The following AOPEP variants were observed in gnomAD, a reference collection of about 807,000 sequenced individuals.
AOPEP encodes the protein aminopeptidase O.
Under a neutral mutation model 98.1 loss-of-function variants are expected in AOPEP, and 77 were observed. That is an observed-to-expected ratio of 0.78 (90% CI 0.65 to 0.95). The LOEUF is 0.95. Among genes scored for constraint, AOPEP ranks in the 40% least tolerant of loss-of-function variants. The probability of loss-of-function intolerance (pLI) is 0.00; values close to 1 mark genes in which losing one functional copy is unlikely to be tolerated. For synonymous variants in AOPEP, 346 were observed against 365.3 expected, an observed-to-expected ratio of 0.95 and a Z score of 0.60; for missense variants, 1,024 against 1,024.7, an observed-to-expected ratio of 1.00 and a Z score of 0.01.
the AOPEP span, among the ~76,000 whole-genome samples, chr9:95,111,800 C>T: frequency 6.6e-6 from 1 of 152,350 alleles, no homozygotes; most frequent in East Asian, 1.9e-4. Flanking sequence ...CCTGTCCAAA[C>T]GCCACTCTGC....
At chr9:95,038,508 A>G (rs1490241425) in intron 13 of AOPEP, among the ~76,000 whole-genome samples, 1 of 152,228 alleles carries the variant, frequency 6.6e-6, no homozygotes, top group Non-Finnish European at 1.5e-5. Flanking sequence ...CCAGGCCACT[A>G]CCTGGCTAAG....
intron 7 of AOPEP, among the ~76,000 whole-genome samples, chr9:94,951,409 T>G (rs1003375370): frequency 1.3e-5 from 2 of 152,334 alleles, no homozygotes; most frequent in Admixed American, 1.3e-4. Context: ...CCTGGGTTCT[T>G]AACCTCGACT....
At chr9:94,971,777 A>T (rs1485145353) in intron 10 of AOPEP, among the ~76,000 whole-genome samples, 3 of 152,184 alleles carry the variant, frequency 2.0e-5, no homozygotes, top group African/African-American at 7.2e-5. Context: ...AATAAATCCC[A>T]TGAGTAGCCC....
chr9:94,872,369 C>T (rs1477178307), intron 5 of AOPEP, among the ~76,000 whole-genome samples: 1 of 152,172 alleles, frequency 6.6e-6, no homozygotes, highest in African/African-American at 2.4e-5. Context: ...GGTTGCCTTA[C>T]ATCGCTACTC....
intron 11 of AOPEP, among the ~76,000 whole-genome samples, chr9:94,996,428 GA>G (rs1447603433): frequency 1.3e-5 from 2 of 151,386 alleles, no homozygotes; most frequent in African/African-American, 4.9e-5. Flanking sequence ...AGGGATGGAT[GA>G]ATCAGGCCCA....
chr9:94,870,196 GC>G (rs1409745373), intron 5 of AOPEP, among the ~76,000 whole-genome samples: 1 of 152,022 alleles, frequency 6.6e-6, no homozygotes, highest in Non-Finnish European at 1.5e-5. Flanking sequence ...CACCATGTTA[GC>G]CAGGCTTGTC....
chr9:95,021,030 T>C (rs906992351), intron 13 of AOPEP, among the ~76,000 whole-genome samples: 1 of 152,106 alleles, frequency 6.6e-6, no homozygotes, highest in African/African-American at 2.4e-5. Flanking sequence ...TGCTGGTATT[T>C]GTAAATATAT....
chr9:95,075,198 G>C (rs1335204741), intron 14 of AOPEP, among the ~76,000 whole-genome samples: 7 of 152,200 alleles, frequency 4.6e-5, no homozygotes, highest in Admixed American at 2.6e-4. Flanking sequence ...TCCTGGCATA[G>C]ATTTGGAGTG....
chr9:94,900,404 TCTC>T (rs2050230571), intron 5 of AOPEP: 1 of 152,226 alleles, frequency 6.6e-6, no homozygotes, highest in Non-Finnish European at 1.5e-5. Flanking sequence ...GTCAAGTAAT[TCTC>T]CTCGGTAGAT....
the AOPEP span, among the ~76,000 whole-genome samples, chr9:95,095,084 G>A: frequency 1.3e-5 from 2 of 152,228 alleles, no homozygotes; most frequent in Non-Finnish European, 2.9e-5. Flanking sequence ...GATTTCCTCA[G>A]CTGTTACTTT....
At chr9:95,099,881 G>A in the AOPEP span, 1 of 233,574 alleles carries the variant, frequency 4.3e-6, no homozygotes, top group Non-Finnish European at 8.4e-6. Context: ...GGAAGGAAGG[G>A]GCATGGGCAG....
At chr9:94,774,533 A>G (rs1435439367) in intron 3 of AOPEP, among the ~76,000 whole-genome samples, 2 of 152,084 alleles carry the variant, frequency 1.3e-5, no homozygotes, top group Admixed American at 6.5e-5. Context: ...TTTTTCACTT[A>G]TAGTGTATCT....
chr9:94,964,700 C>T (rs1205275080), intron 9 of AOPEP, among the ~76,000 whole-genome samples: 2 of 141,192 alleles, frequency 1.4e-5, no homozygotes, highest in South Asian at 2.2e-4. Context: ...AGTGCAATGG[C>T]GCGATCTCGG....
chr9:95,107,232 A>T, the AOPEP span: 1 of 1,614,180 alleles, frequency 6.2e-7, no homozygotes, highest in South Asian at 1.1e-5. Flanking sequence ...GCTTCTGGAC[A>T]TTGCCAGGAG....
At chr9:94,755,193 CAG>C (rs1255914500) in intron 1 of AOPEP, among the ~76,000 whole-genome samples, 1 of 151,930 alleles carries the variant, frequency 6.6e-6, no homozygotes, top group Admixed American at 6.6e-5. Flanking sequence ...TGGCTTATGA[CAG>C]AGAATGGAAA....
At chr9:94,820,528 G>A (rs970369651) in intron 5 of AOPEP, among the ~76,000 whole-genome samples, 2 of 152,112 alleles carry the variant, frequency 1.3e-5, no homozygotes, top group African/African-American at 4.8e-5. Flanking sequence ...TAGTATTCTA[G>A]TCTATGGATG....
intron 7 of AOPEP, among the ~76,000 whole-genome samples, chr9:94,934,315 C>CTTTTTTTTTTTTTTTTTTTTTTTTT (rs974551445): frequency 6.9e-5 from 8 of 116,728 alleles, no homozygotes; most frequent in African/African-American, 2.8e-4. Context: ...CTTCTCCCAT[C>CTTTTTTTTTTTTTTTTTTTTTTTTT]TTTTTTTTTT....
At chr9:95,117,601 C>CTT in the AOPEP span, among the ~76,000 whole-genome samples, 1 of 16,498 alleles carries the variant, frequency 6.1e-5, no homozygotes, top group African/African-American at 2.4e-4. Context: ...CCTTCTGGGA[C>CTT]TTAAAAATTT....
chr9:94,983,276 G>C (rs1296482123), intron 11 of AOPEP, among the ~76,000 whole-genome samples: 3 of 152,084 alleles, frequency 2.0e-5, no homozygotes, highest in Non-Finnish European at 4.4e-5. Context: ...GCCTGCCTTG[G>C]CCTCCCGAAG....
Sources: allele counts gnomAD v4.1 joint callset (sites outside exome capture counted in the v4.1 genomes callset), GRCh38; gene constraint gnomAD v4.1.1; transcripts MANE v1.5; gene names NCBI Gene and HGNC (gene_info 2026-07-23, HGNC 2026-07-21).